SMARCC1: variants seen among roughly 807,000 people sequenced by gnomAD.
The protein encoded by SMARCC1 is SWI/SNF related BAF chromatin remodeling complex subunit C1.
In SMARCC1, 43 loss-of-function variants were observed where a neutral mutation model predicts 147.4. That is an observed-to-expected ratio of 0.29 (90% CI 0.23 to 0.38). The LOEUF (loss-of-function observed/expected upper bound fraction) is 0.38, where lower values mean the gene tolerates loss of function less well. SMARCC1 is among the 10% of genes least tolerant of loss of function. The pLI, the probability that SMARCC1 is intolerant of heterozygous loss-of-function variation, is 1.00. For synonymous variants in SMARCC1, 495 were observed against 484.4 expected, an observed-to-expected ratio of 1.02 and a Z score of -0.29; for missense variants, 1,119 against 1,381.1, an observed-to-expected ratio of 0.81 and a Z score of 3.01.
intron 2 of SMARCC1, among the ~76,000 whole-genome samples, chr3:47,758,188 C>T (rs2034725744): frequency 6.6e-6 from 1 of 152,066 alleles, no homozygotes; most frequent in Admixed American, 6.6e-5. Flanking sequence ...GGAATGATCA[C>T]TACTCACTGC....
At chr3:47,757,935 A>C (rs533588604) in intron 2 of SMARCC1, among the ~76,000 whole-genome samples, 1 of 152,262 alleles carries the variant, frequency 6.6e-6, no homozygotes, top group East Asian at 1.9e-4. Flanking sequence ...GTAAACTCTT[A>C]AGAACACAAC....
At chr3:47,632,179 A>G (rs907847023) in intron 24 of SMARCC1, among the ~76,000 whole-genome samples, 1 of 152,224 alleles carries the variant, frequency 6.6e-6, no homozygotes, top group African/African-American at 2.4e-5. Context: ...TCTGCAGTGA[A>G]GGAGTCAAGC....
intron 19 of SMARCC1, among the ~76,000 whole-genome samples, chr3:47,666,349 T>C (rs1559639237): frequency 6.6e-6 from 1 of 152,338 alleles, no homozygotes; most frequent in South Asian, 2.1e-4. Flanking sequence ...ATCATAAAGC[T>C]GGGAATTCCG....
intron 26 of SMARCC1, among the ~76,000 whole-genome samples, chr3:47,605,100 T>A (rs1453588056): frequency 6.6e-6 from 1 of 152,230 alleles, no homozygotes; most frequent in Non-Finnish European, 1.5e-5. Flanking sequence ...AAAATTATTA[T>A]CTTGAATTGC....
At chr3:47,617,941 A>G (rs1051492587) in intron 25 of SMARCC1, among the ~76,000 whole-genome samples, 2 of 152,126 alleles carry the variant, frequency 1.3e-5, no homozygotes, top group African/African-American at 4.8e-5. Context: ...GTGCTTTTTC[A>G]TACTCTTACT....
intron 5 of SMARCC1, among the ~76,000 whole-genome samples, chr3:47,730,710 C>CA (rs1321911248): frequency 6.6e-6 from 1 of 151,676 alleles, no homozygotes; most frequent in African/African-American, 2.4e-5. Flanking sequence ...ATTAAAAATA[C>CA]AAAAAATTAG....
At chr3:47,735,985 A>T in intron 5 of SMARCC1, 49 bp downstream of exon 5, 1 of 857,698 alleles carries the variant, frequency 1.2e-6, no homozygotes, top group Non-Finnish European at 1.8e-6. Context: ...TACAACTACA[A>T]AATGAAGTGA....
At chr3:47,677,781 G>A (rs1477928534) in intron 16 of SMARCC1, among the ~76,000 whole-genome samples, 6 of 152,006 alleles carry the variant, frequency 3.9e-5, no homozygotes, top group South Asian at 4.1e-4. Flanking sequence ...CAGGTGATCC[G>A]CCCATCTTGG....
chr3:47,663,897 T>C (rs932348291), intron 19 of SMARCC1: 6 of 1,482,208 alleles, frequency 4.0e-6, no homozygotes, highest in Non-Finnish European at 5.7e-6. Context: ...GCCATCTTGC[T>C]GGGTCTAGCT....
chr3:47,760,269 A>G (rs1025986096), intron 2 of SMARCC1, among the ~76,000 whole-genome samples: 6 of 151,786 alleles, frequency 4.0e-5, no homozygotes, highest in Non-Finnish European at 7.4e-5. Context: ...CCAGGATCGT[A>G]CCACTGCATT....
intron 21 of SMARCC1, among the ~76,000 whole-genome samples, chr3:47,660,666 A>G (rs930341323): frequency 2.0e-5 from 3 of 152,202 alleles, no homozygotes; most frequent in Non-Finnish European, 1.5e-5. Flanking sequence ...TTAAATGTCC[A>G]GAATAGGCAA....
Position 47,701,078 on chromosome 3 carries a change from G to A in SMARCC1, c.1165+200C>T, listed in dbSNP as rs180868588. Among the ~76,000 whole-genome samples, 114 of 152,076 alleles carry A rather than the reference G, an allele frequency of 7.5e-4. 1 individual carries two copies. The highest frequency in any genetic ancestry group is 4.1e-3 in the East Asian group (21 of 5,184). On this transcript the variant is annotated intron_variant, in intron 11 of 27. Transcript: ENST00000254480. ...TACTAAATTAAAGATGTTTTTGGTC[G>A]CTGTAAGTTTTCTCTATAAACAAAG...
At chr3:47,703,872 C>A (rs781136677) in intron 10 of SMARCC1, among the ~76,000 whole-genome samples, 27 of 152,216 alleles carry the variant, frequency 1.8e-4, no homozygotes, top group Non-Finnish European at 4.0e-4. Context: ...TCTCAGCTCA[C>A]TGCAAGCTCC....
chr3:47,731,502 G>T (rs1340725632), intron 5 of SMARCC1, among the ~76,000 whole-genome samples: 1 of 152,138 alleles, frequency 6.6e-6, no homozygotes, highest in Non-Finnish European at 1.5e-5. Flanking sequence ...TGTTCCAGAA[G>T]ATTTTCAATT....
intron 26 of SMARCC1, among the ~76,000 whole-genome samples, chr3:47,598,860 G>C (rs111342253): frequency 1.2e-4 from 15 of 124,958 alleles, no homozygotes; most frequent in Non-Finnish European, 2.4e-4. Context: ...AAGAGAGAGA[G>C]AGACACACAC....
At chr3:47,719,828 C>T (rs1380299978) in intron 7 of SMARCC1, among the ~76,000 whole-genome samples, 1 of 152,098 alleles carries the variant, frequency 6.6e-6, no homozygotes, top group Non-Finnish European at 1.5e-5. Context: ...CTCCGCTTCC[C>T]AGGTTCAAGT....
chr3:47,667,658 C>G (rs1048449507), intron 19 of SMARCC1, among the ~76,000 whole-genome samples: 5 of 152,160 alleles, frequency 3.3e-5, no homozygotes, highest in African/African-American at 1.2e-4. Flanking sequence ...GCGGGCAGAT[C>G]ACGAGGTCAA....
chr3:47,730,923 G>C (rs182498079), intron 5 of SMARCC1, among the ~76,000 whole-genome samples: 6 of 151,926 alleles, frequency 3.9e-5, no homozygotes, highest in African/African-American at 1.4e-4. Flanking sequence ...CAGTCTTCTT[G>C]CTGCTGGAGG....
At chr3:47,758,131 C>G (rs111562325) in intron 2 of SMARCC1, among the ~76,000 whole-genome samples, 64 of 152,114 alleles carry the variant, frequency 4.2e-4, no homozygotes, top group African/African-American at 1.5e-3. Context: ...AAACAGCTAT[C>G]GAAAAACAAC....
Sources: gnomAD v4.1 joint callset for allele counts (sites outside exome capture counted in the v4.1 genomes callset) on GRCh38, gnomAD v4.1.1 for gene constraint, MANE v1.5 for transcripts, NCBI Gene and HGNC (gene_info 2026-07-23, HGNC 2026-07-21) for gene names.